The following SACS variants were observed in gnomAD, a reference collection of about 807,000 sequenced individuals.
SACS encodes sacsin.
SACS carries 197 observed loss-of-function variants against 348.0 expected under a neutral mutation model. The observed-to-expected ratio is 0.57, with a 90% confidence interval of 0.50 to 0.64. The LOEUF (loss-of-function observed/expected upper bound fraction) is 0.64, where lower values mean the gene tolerates loss of function less well. Among genes scored for constraint, SACS ranks in the 30% least tolerant of loss-of-function variants. The pLI is 0.00. For missense variants in SACS, 4,999 were observed against 5,360.8 expected (o/e 0.93, Z 2.11); for synonymous variants, 1,985 against 1,910.6 (o/e 1.04, Z -1.02).
intron 2 of SACS, among the ~76,000 whole-genome samples, chr13:23,398,194 A>G (rs1326056283): frequency 6.6e-6 from 1 of 151,654 alleles, no homozygotes; most frequent in Admixed American, 6.6e-5. Context: ...TCCATCTCAA[A>G]AAATAAAATA....
At chr13:23,408,392 G>A (rs1238368831) in intron 2 of SACS, among the ~76,000 whole-genome samples, 1 of 152,184 alleles carries the variant, frequency 6.6e-6, no homozygotes, top group Non-Finnish European at 1.5e-5. Flanking sequence ...CAGTCCCAAA[G>A]CAGCTTTCAA....
chr13:23,341,746 T>C, intron 9 of SACS, 56 bp from the exon 10 acceptor site: 1 of 1,399,224 alleles, frequency 7.1e-7, no homozygotes, highest in Non-Finnish European at 1.0e-6. Flanking sequence ...ACAACAGCTT[T>C]CTATTCTCAC....
intron 2 of SACS, among the ~76,000 whole-genome samples, chr13:23,387,418 T>C (rs1019372267): frequency 3.0e-5 from 4 of 135,212 alleles, no homozygotes; most frequent in South Asian, 2.4e-4. Context: ...GCAGAGATCG[T>C]GCCACTGCAC....
At chr13:23,426,124 T>C (rs1874162900) in intron 1 of SACS, among the ~76,000 whole-genome samples, 1 of 152,176 alleles carries the variant, frequency 6.6e-6, no homozygotes, top group African/African-American at 2.4e-5. Context: ...GGCTCCCAGC[T>C]CTTACTTATT....
rs1869057492 is a variant in SACS, at chr13:23,340,086, T to C, written c.3790A>G (p.Asn1264Asp). Residue 1264 changes from asparagine to aspartate, a missense_variant, in exon 10 of 10, where the codon AAT becomes GAT. Physicochemically the swap from Asn to Asp is conservative, Grantham distance 23 (BLOSUM62 1). Around this residue, in one of 6 missense-constraint regions of SACS, gnomAD observed 3,156 missense variants for 3,380.1 expected, o/e 0.93. Coordinates refer to ENST00000382292, the MANE Select transcript of SACS (RefSeq NM_014363.6). ...GCTCTAAAAGAATCTTTCCCTTCAT[T>C]TAGATGATCATGCATGAATCCGTAA... Reference protein sequence around the residue: ...EIYGFMHDHLNEGKDSFRALK... With the variant: ...EIYGFMHDHLDEGKDSFRALK... 1.2e-6 allele frequency: 2 copies of C among 1,613,964 alleles called. No individual in the cohort carries two copies. The highest frequency in any genetic ancestry group is 1.7e-6 in the Non-Finnish European group (2 of 1,180,002).
In SACS at chr13:23,353,822, G is replaced by A. The variant is rs780789330; in HGVS notation, c.2148C>T (p.His716=). 1.6e-5 allele frequency: 25 copies of A among 1,611,162 alleles called. No homozygotes were observed. The highest frequency in any genetic ancestry group is 9.9e-5 in the South Asian group (9 of 90,946). Residue 716 remains histidine (H), a synonymous_variant, in exon 9 of 10, where the codon CAC becomes CAT. Transcript: ENST00000382292. ...GRFILDNLKP[H]LVAALKEAAQ... ...CAGCTTCCTTTAAAGCAGCCACAAG[G>A]TGAGGTTTCAAGTTATCCAAAATAA...
rs151213439 is a variant in SACS at position 23,333,550 on chromosome 13, C to T, written c.10326G>A (p.Glu3442=). ...CAGATGATGATGACTGTGTCCATTT[C>T]TCCACTTCAGCTGAAGGGATACTTT... ...LTKSIPSAEV[E]KWTQSSSSAF... is the part of the protein sequence containing the mutation. The change falls in exon 10 of 10, where the codon GAG becomes GAA. Residue 3442 remains glutamate, a synonymous_variant. Coordinates refer to ENST00000382292, the MANE Select transcript of SACS (RefSeq NM_014363.6). 1 of 1,613,458 alleles carries T rather than the reference C, an allele frequency of 6.2e-7. No homozygotes were observed. The highest frequency in any genetic ancestry group is 8.5e-7 in the Non-Finnish European group (1 of 1,179,678).
At chr13:23,418,797 G>A (rs967951873) in intron 1 of SACS, among the ~76,000 whole-genome samples, 1 of 152,162 alleles carries the variant, frequency 6.6e-6, no homozygotes, top group Admixed American at 6.5e-5. Context: ...GAGCCAGGGT[G>A]CCTGACCAGA....
chr13:23,406,314 G>A (rs1873205730), intron 2 of SACS, among the ~76,000 whole-genome samples: 1 of 151,892 alleles, frequency 6.6e-6, no homozygotes, highest in Non-Finnish European at 1.5e-5. Context: ...TCACTCGTAA[G>A]TGGGAGTTGA....
In SACS at chr13:23,330,077, C is replaced by A; in HGVS notation, c.*59G>T. ...ATTGGCAATGAAGCTTAATGAAGTA[C>A]AGCAATTTATTCGTGCTACAACACA... On this transcript the variant is annotated 3_prime_UTR_variant, in exon 10 of 10. Transcript: ENST00000382292. 1 of 1,452,150 alleles carries A rather than the reference C, an allele frequency of 6.9e-7. No individual in the cohort carries two copies. Among genetic ancestry groups the A allele is most frequent in the Non-Finnish European group, 9.6e-7 (1 of 1,042,890 alleles). The allele number at this position is 1,452,150 out of a possible 1,614,324, so 90.0% of individuals were successfully genotyped here. A position where few individuals can be genotyped will look rare whatever the true frequency, so the allele number is the denominator to read the frequency against.
chr13:23,342,863 T>C (rs1039862324), intron 9 of SACS, among the ~76,000 whole-genome samples: 2 of 152,242 alleles, frequency 1.3e-5, no homozygotes, highest in Non-Finnish European at 2.9e-5. Flanking sequence ...AAGTACCATT[T>C]CATCTTTCTG....
At chr13:23,388,038 A>G (rs1220534759) in intron 2 of SACS, among the ~76,000 whole-genome samples, 1 of 152,240 alleles carries the variant, frequency 6.6e-6, no homozygotes, top group East Asian at 1.9e-4. Flanking sequence ...AACAGTATGG[A>G]GATTCTTTAA....
In SACS at chr13:23,393,463, C is replaced by T. The variant is rs1033208553; in HGVS notation, c.20+17757G>A. ...TCCCCTGTCCCTCATCACCCGTGTT[C>T]GCTGCTCATTTCCTTGGCCCTCTAC... On this transcript the variant is annotated intron_variant, in intron 2 of 9. Coordinates refer to ENST00000382292, the MANE Select transcript of SACS (RefSeq NM_014363.6). Among the ~76,000 whole-genome samples, 5 of 152,112 alleles carry T rather than the reference C, an allele frequency of 3.3e-5. 1 individual carries two copies. The South Asian group carries it at 8.3e-4, about 25-fold the overall frequency.
intron 2 of SACS, among the ~76,000 whole-genome samples, chr13:23,404,696 CCTT>C (rs1339948256): frequency 3.3e-5 from 5 of 152,182 alleles, no homozygotes; most frequent in Admixed American, 6.5e-5. Flanking sequence ...CCCAAAATCT[CCTT>C]AAGCTGAGAA....
rs750168452 is a variant in SACS, at chr13:23,335,767, A to G, written c.8109T>C (p.Arg2703=). The part of the protein sequence containing the change: ...DNCTMFRFPL[R]NAEMAKVSEI... ...CCGAAACTTTTGCCATTTCTGCATT[A>G]CGAAGAGGAAATCTGAACATTGTGC... Residue 2703 remains arginine (R), a synonymous_variant, in exon 10 of 10, where the codon CGT becomes CGC. Coordinates refer to ENST00000382292, the MANE Select transcript of SACS (RefSeq NM_014363.6). This position sits in a 1 kb window ranked among gnomAD's most constrained non-coding sequence, Gnocchi z 4.7. The G allele has an allele frequency of 1.2e-6, 2 of 1,614,058 alleles. No individual in the cohort carries two copies. The highest frequency in any genetic ancestry group is 2.2e-5 in the South Asian group (2 of 91,082).
In SACS at chr13:23,354,589, T is replaced by A. The variant is rs374667929; in HGVS notation, c.2023A>T (p.Asn675Tyr). ...ACAGATGAGGAGAAGGGGACAAAAT[T>A]GCCATTTTGTAAAGGGAGCAGCTCC... is the stretch of plus-strand genomic sequence containing the variant. ...GLELLPLQNG[N>Y]FVPFSSSVSD... The change falls in exon 8 of 10, where the codon AAT (asparagine) becomes TAT (tyrosine). Residue 675 changes from asparagine to tyrosine, a missense_variant. Physicochemically the swap from Asn to Tyr is moderately radical, Grantham distance 143. This residue lies in a region of SACS where 3,156 missense variants were observed against 3,380.1 expected (regional missense o/e 0.93). Coordinates refer to ENST00000382292, the MANE Select transcript of SACS (RefSeq NM_014363.6). 9 of 1,614,024 alleles carry A rather than the reference T, an allele frequency of 5.6e-6. No individual in the cohort carries two copies. Among genetic ancestry groups the A allele is most frequent in the Middle Eastern group, 1.7e-4 (1 of 6,060 alleles).
chr13:23,340,406 AC>A lies in SACS; in HGVS notation c.3469del (p.Val1157PhefsTer33), dbSNP rs1869092579. 6.2e-7 allele frequency: 1 copy of A among 1,613,932 alleles called. No individual in the cohort carries two copies. The highest frequency in any genetic ancestry group is 8.5e-7 in the Non-Finnish European group (1 of 1,180,006). On this transcript the variant is annotated frameshift_variant, in exon 10 of 10. Transcript: ENST00000382292. LOFTEE classifies it high-confidence loss of function. ...TGGAGGCCTTTCCTTGCAGGCTGGA[AC>A]CCATTTTATTTTCTTCAATGTCATC... ...GKMTLKKIKWVPACKERPPNY... is the reference protein window; with the variant it reads ...GKMTLKKIKWXPACKERPPNY...
intron 2 of SACS, among the ~76,000 whole-genome samples, chr13:23,407,320 T>TC (rs1051804019): frequency 3.2e-4 from 49 of 152,316 alleles, no homozygotes; most frequent in African/African-American, 9.6e-4. Context: ...TGCCTCAGCC[T>TC]CCCAAGTAGC....
intron 2 of SACS, among the ~76,000 whole-genome samples, chr13:23,389,240 T>C (rs939267672): frequency 3.3e-5 from 5 of 152,120 alleles, no homozygotes; most frequent in Admixed American, 1.3e-4. Context: ...GTCTTTAAGT[T>C]ACAGGAAGGC....
Sources: gnomAD v4.1 joint callset for allele counts (sites outside exome capture counted in the v4.1 genomes callset) on GRCh38, gnomAD v4.1.1 for gene constraint, gnomAD v4.1.1 regional missense constraint, Gnocchi (gnomAD v3.1) non-coding constraint, MANE v1.5 for transcripts, NCBI Gene and HGNC (gene_info 2026-07-23, HGNC 2026-07-21) for gene names.